The following DLG2 variants were observed in gnomAD, a reference collection of about 807,000 sequenced individuals.
The protein encoded by DLG2 is discs large MAGUK scaffold protein 2.
In DLG2, 45 loss-of-function variants were observed where a neutral mutation model predicts 132.5. The ratio of observed to expected loss-of-function variants is 0.34; its 90% CI spans 0.27 to 0.44. The LOEUF (loss-of-function observed/expected upper bound fraction) is 0.44. DLG2 is among the 20% of genes least tolerant of loss of function. The pLI, the probability that DLG2 is intolerant of heterozygous loss-of-function variation, is 1.00. For missense variants in DLG2, 1,045 were observed against 1,196.9 expected, an observed-to-expected ratio of 0.87 and a Z score of 1.87; for synonymous variants, 424 against 419.6, an observed-to-expected ratio of 1.01 and a Z score of -0.13.
chr11:85,234,224 C>T (rs750145752), intron 4 of DLG2, among the ~76,000 whole-genome samples: 5 of 151,850 alleles, frequency 3.3e-5, no homozygotes, highest in African/African-American at 4.8e-5. Context: ...ACAGTGAGAG[C>T]TTTTCAAGTT....
intron 4 of DLG2, among the ~76,000 whole-genome samples, chr11:85,172,876 C>T (rs2078974053): frequency 6.6e-6 from 1 of 151,942 alleles, no homozygotes; most frequent in Non-Finnish European, 1.5e-5. Flanking sequence ...AATCTCAGAG[C>T]TTGAAGACAA....
intron 6 of DLG2, among the ~76,000 whole-genome samples, chr11:84,604,224 G>A (rs1259095991): frequency 6.6e-6 from 1 of 151,830 alleles, no homozygotes; most frequent in African/African-American, 2.4e-5. Flanking sequence ...GATACCAGAG[G>A]AATCAACAGG....
intron 6 of DLG2, among the ~76,000 whole-genome samples, chr11:84,705,144 A>C (rs1252294243): frequency 6.6e-6 from 1 of 151,680 alleles, no homozygotes; most frequent in Admixed American, 6.6e-5. Context: ...TTTAACTAAC[A>C]CATGGAAAAT....
chr11:83,911,576 G>T (rs1428654018), intron 15 of DLG2, among the ~76,000 whole-genome samples: 3 of 151,948 alleles, frequency 2.0e-5, no homozygotes, highest in African/African-American at 7.2e-5. Flanking sequence ...TGGTTTTACA[G>T]CAAAATTGTC....
intron 3 of DLG2, among the ~76,000 whole-genome samples, chr11:85,292,283 TC>T (rs1348677948): frequency 6.6e-6 from 1 of 152,088 alleles, no homozygotes; most frequent in Non-Finnish European, 1.5e-5. Context: ...AAACGTCCTA[TC>T]TTAGGCTTTG....
At chr11:84,141,810 G>T (rs891311744) in intron 9 of DLG2, among the ~76,000 whole-genome samples, 4 of 151,792 alleles carry the variant, frequency 2.6e-5, no homozygotes, top group African/African-American at 9.7e-5. Flanking sequence ...AATATCTACA[G>T]GTTTTTTTTA....
intron 6 of DLG2, among the ~76,000 whole-genome samples, chr11:85,106,028 T>G (rs1320169055): frequency 1.3e-5 from 2 of 151,178 alleles, no homozygotes; most frequent in Admixed American, 6.6e-5. Flanking sequence ...TATTGCAGAA[T>G]AGCTTATGCA....
At chr11:84,255,829 A>G (rs1324932885) in intron 7 of DLG2, among the ~76,000 whole-genome samples, 1 of 152,114 alleles carries the variant, frequency 6.6e-6, no homozygotes, top group Non-Finnish European at 1.5e-5. Flanking sequence ...TTTTGAAACT[A>G]TAAGGGATGA....
chr11:84,949,911 G>A (rs1167223372), intron 6 of DLG2, among the ~76,000 whole-genome samples: 1 of 152,180 alleles, frequency 6.6e-6, no homozygotes, highest in Admixed American at 6.5e-5. Flanking sequence ...GAAGTGATAA[G>A]TGTCCATGAA....
At chr11:83,502,678 C>G (rs1327736889) in intron 21 of DLG2, among the ~76,000 whole-genome samples, 1 of 152,108 alleles carries the variant, frequency 6.6e-6, no homozygotes, top group African/African-American at 2.4e-5. Context: ...ATCTCTCAGA[C>G]TAGTCTTTAC....
chr11:83,675,167 C>T (rs927368934), intron 18 of DLG2, among the ~76,000 whole-genome samples: 8 of 152,300 alleles, frequency 5.3e-5, no homozygotes, highest in Non-Finnish European at 1.0e-4. Context: ...AGGAACTATT[C>T]TACTTCCTCA....
At position 84,029,866 on chromosome 11, in the gene DLG2, T is replaced by C. The variant is rs528374921; in HGVS notation, c.919+29449A>G. 7.9e-5 allele frequency among the ~76,000 whole-genome samples: 12 copies of C among 152,292 alleles called. No individual in the cohort carries two copies. The East Asian group carries it at 1.5e-3, about 20-fold the overall frequency. On this transcript the variant is annotated intron_variant, in intron 11 of 27. Transcript: ENST00000376104. ...AAACAACATACTTAAGGAAATATTA[T>C]ACATAATGACTCAGTTTAATGATCA...
At chr11:84,142,763 T>C (rs868373682) in intron 9 of DLG2, among the ~76,000 whole-genome samples, 8 of 152,128 alleles carry the variant, frequency 5.3e-5, no homozygotes, top group Non-Finnish European at 1.2e-4. Flanking sequence ...ACCTTTGGTC[T>C]CTAGATTTTA....
At chr11:84,518,433 C>A (rs2099280225) in intron 7 of DLG2, among the ~76,000 whole-genome samples, 2 of 152,158 alleles carry the variant, frequency 1.3e-5, no homozygotes, top group Middle Eastern at 3.4e-3. Context: ...TATACCTAGA[C>A]ACAAAATATA....
At chr11:85,280,012 G>T (rs774983228) in intron 4 of DLG2, among the ~76,000 whole-genome samples, 1 of 152,120 alleles carries the variant, frequency 6.6e-6, no homozygotes, top group Non-Finnish European at 1.5e-5. Context: ...TTGGTTATTT[G>T]ATCTGAATTC....
At chr11:83,857,132 C>T (rs1717902721) in intron 16 of DLG2, among the ~76,000 whole-genome samples, 1 of 152,024 alleles carries the variant, frequency 6.6e-6, no homozygotes, top group Non-Finnish European at 1.5e-5. Context: ...CATATAGTTG[C>T]AGATCTGTGG....
chr11:83,754,859 C>T (rs2153744786), intron 18 of DLG2, among the ~76,000 whole-genome samples: 1 of 151,508 alleles, frequency 6.6e-6, no homozygotes, highest in South Asian at 2.1e-4. Flanking sequence ...ATGTAATTAT[C>T]AGTGATAATT....
chr11:84,067,556 C>CACA (rs2096696616), intron 10 of DLG2, among the ~76,000 whole-genome samples: 1 of 148,758 alleles, frequency 6.7e-6, no homozygotes, highest in East Asian at 2.0e-4. Context: ...ACACCCCCCA[C>CACA]CACACACACA....
At chr11:85,296,906 T>C (rs2079261397) in intron 3 of DLG2, among the ~76,000 whole-genome samples, 3 of 149,978 alleles carry the variant, frequency 2.0e-5, no homozygotes, top group South Asian at 4.1e-4. Context: ...TATATTATTG[T>C]ACAAAATGAT....
Sources: allele counts gnomAD v4.1 joint callset (sites outside exome capture counted in the v4.1 genomes callset), GRCh38; gene constraint gnomAD v4.1.1; transcripts MANE v1.5; gene names NCBI Gene and HGNC (gene_info 2026-07-23, HGNC 2026-07-21).